Variants in PLET1 observed in about 807,000 individuals in gnomAD.
PLET1 encodes placenta expressed transcript 1, also known as placenta-expressed transcript 1 protein.
A neutral mutation model predicts 18.5 loss-of-function variants in PLET1; 20 were observed. The ratio of observed to expected loss-of-function variants is 1.08; its 90% confidence interval spans 0.76 to 1.57. The LOEUF (loss-of-function observed/expected upper bound fraction) is 1.57. Among genes scored for constraint, PLET1 ranks in the 40% most tolerant of loss-of-function variants. PLET1 has a pLI of 0.00. For synonymous variants in PLET1, 93 were observed against 93.8 expected, an observed-to-expected ratio of 0.99 and a Z score of 0.05; for missense variants, 256 against 246.4, an observed-to-expected ratio of 1.04 and a Z score of -0.26.
At chr11:112,252,269 T>C (rs1201379280) in intron 3 of PLET1, 79 bp downstream of exon 3, 4 of 1,324,750 alleles carry the variant, frequency 3.0e-6, no homozygotes, top group Non-Finnish European at 4.2e-6. Context: ...GACCCTCTTT[T>C]CTAGGGAACC....
chr11:112,249,294 C>A (rs577043913), intron 3 of PLET1, among the ~76,000 whole-genome samples: 1 of 152,138 alleles, frequency 6.6e-6, no homozygotes, highest in Admixed American at 6.5e-5. Context: ...TGGGTAGTCT[C>A]CTCCTGAATG....
intron 3 of PLET1, among the ~76,000 whole-genome samples, chr11:112,250,085 T>C (rs1289954034): frequency 2.6e-5 from 4 of 151,368 alleles, no homozygotes; most frequent in Non-Finnish European, 5.9e-5. Flanking sequence ...GTCTAATCTT[T>C]AGCACTTCCC....
At position 112,260,781 on chromosome 11, in the gene PLET1, G is replaced by A; in HGVS notation, c.-192C>T. 1.8e-6 allele frequency: 1 copy of A among 546,652 alleles called. No individual in the cohort carries two copies. Among genetic ancestry groups the A allele is most frequent in the Non-Finnish European group, 3.2e-6 (1 of 313,736 alleles). 33.9% of individuals were successfully genotyped at this position (546,652 alleles called of 1,614,324 possible). A position where few individuals can be genotyped will look rare whatever the true frequency, so the allele number is the denominator to read the frequency against. ...AATGAATCACCAGTCACCATTACCTGTCACCGATGATTTTGCAAATTGCAG... is the reference window on the plus strand; with the variant it reads ...AATGAATCACCAGTCACCATTACCTATCACCGATGATTTTGCAAATTGCAG... On this transcript the variant is annotated 5_prime_UTR_variant, in exon 1 of 4. Coordinates refer to ENST00000338832, the MANE Select transcript of PLET1 (RefSeq NM_001145024.1).
intron 3 of PLET1, 26 bp downstream of exon 3, chr11:112,252,322 T>A (rs1405644563): frequency 6.5e-7 from 1 of 1,540,288 alleles, no homozygotes. Context: ...TTGCAAGACT[T>A]GCAAATGGGC....
At chr11:112,256,348 T>G (rs1286359992) in intron 1 of PLET1, among the ~76,000 whole-genome samples, 1 of 152,186 alleles carries the variant, frequency 6.6e-6, no homozygotes, top group Non-Finnish European at 1.5e-5. Context: ...CACGCAAAAT[T>G]TCTTTAAGGC....
Position 112,248,644 on chromosome 11 carries a change from C to G in PLET1, c.*155G>C. ...GACCCAAGCCTGCCAATGAGTGCCT[C>G]CAGATCTTTGTTTTGGTCTGAAGCC... On this transcript the variant is annotated 3_prime_UTR_variant, in exon 4 of 4. Transcript: ENST00000338832. The G allele has an allele frequency of 5.1e-6, 4 of 791,972 alleles. No homozygotes were observed. The South Asian group carries it at 7.3e-5, about 14-fold the overall frequency. The allele number at this position is 791,972 out of a possible 1,614,324, so 49.1% of individuals were successfully genotyped here.
chr11:112,249,963 TAAAAAAAAAA>T (rs61227342), intron 3 of PLET1, among the ~76,000 whole-genome samples: 1 of 105,500 alleles, frequency 9.5e-6, no homozygotes, highest in Non-Finnish European at 1.8e-5. Flanking sequence ...TCTCAAAAAT[TAAAAAAAAAA>T]AAAAAAAAAA....
intron 1 of PLET1, among the ~76,000 whole-genome samples, chr11:112,259,173 C>G (rs933997631): frequency 1.3e-5 from 2 of 152,160 alleles, no homozygotes; most frequent in Admixed American, 1.3e-4. Flanking sequence ...CTAAAACATG[C>G]CCAGCACATC....
Position 112,254,744 on chromosome 11 carries a change from C to G in PLET1, c.386+644G>C, listed in dbSNP as rs1200132536. On this transcript the variant is annotated intron_variant, in intron 2 of 3. Coordinates refer to ENST00000338832, the MANE Select transcript of PLET1 (RefSeq NM_001145024.1). The stretch of plus-strand genomic sequence containing the variant: ...TGAGTGTGTGTGTGGTGTGTGTGTG[C>G]TGTGTGTGTGGTGTGTGTGCTGCGT... Among the ~76,000 whole-genome samples the G allele has an allele frequency of 8.4e-3, 570 of 67,760 alleles. 2 individuals carry two copies. The highest frequency in any genetic ancestry group is 0.013 in the Admixed American group (77 of 5,936). The allele number at this position is 67,760 out of a possible 152,430, so 44.5% of individuals were successfully genotyped here.
At chr11:112,249,056 A>G in intron 3 of PLET1, 82 bp from the exon 4 acceptor site, 3 of 1,276,710 alleles carry the variant, frequency 2.3e-6, no homozygotes, top group Non-Finnish European at 3.3e-6. Flanking sequence ...CACTCGAGAA[A>G]GGAGGGTAAT....
At chr11:112,259,775 C>A (rs1566831634) in intron 1 of PLET1, among the ~76,000 whole-genome samples, 1 of 152,150 alleles carries the variant, frequency 6.6e-6, no homozygotes, top group Non-Finnish European at 1.5e-5. Flanking sequence ...CAGTGGCTCA[C>A]ACCTGTAATT....
At chr11:112,250,149 A>G (rs1383266545) in intron 3 of PLET1, among the ~76,000 whole-genome samples, 1 of 136,312 alleles carries the variant, frequency 7.3e-6, no homozygotes, top group Non-Finnish European at 1.5e-5. Flanking sequence ...GAATGCAACT[A>G]CTTTCTTTTT....
chr11:112,258,470 G>T (rs1311551658), intron 1 of PLET1, among the ~76,000 whole-genome samples: 2 of 151,840 alleles, frequency 1.3e-5, no homozygotes. Flanking sequence ...TTTTAGTAAA[G>T]ACTACGTTTT....
chr11:112,248,944 G>C lies in PLET1; in HGVS notation c.479C>G (p.Pro160Arg). 5.8e-6 allele frequency: 9 copies of C among 1,550,866 alleles called. No homozygotes were observed. The highest frequency in any genetic ancestry group is 7.0e-6 in the Non-Finnish European group (8 of 1,147,002). Residue 160 changes from proline to arginine, a missense_variant, in exon 4 of 4, where the codon CCC becomes CGC. Physicochemically the swap from Pro to Arg is moderately radical, Grantham distance 103. Coordinates refer to ENST00000338832, the MANE Select transcript of PLET1 (RefSeq NM_001145024.1). Reference sequence around the variant, plus strand: ...GAAAGGCTTGAAGGCTGAGCTCTGGGGAATCTTGGCAGCTAAGGCTAAGGT... The same window carrying C: ...GAAAGGCTTGAAGGCTGAGCTCTGGCGAATCTTGGCAGCTAAGGCTAAGGT... ...LSTLALAAKI[P>R]QSSAFKPFFM...
chr11:112,254,829 G>T (rs574697220), intron 2 of PLET1, among the ~76,000 whole-genome samples: 24 of 133,094 alleles, frequency 1.8e-4, no homozygotes, highest in Non-Finnish European at 3.0e-4. Context: ...GGCATGTGGG[G>T]TGTATGTGTT....
chr11:112,256,843 G>T (rs1303879549), intron 1 of PLET1, among the ~76,000 whole-genome samples: 1 of 152,256 alleles, frequency 6.6e-6, no homozygotes, highest in Non-Finnish European at 1.5e-5. Flanking sequence ...GTGTCATGCA[G>T]ATAGTCGTCA....
chr11:112,256,923 C>T (rs528338664), intron 1 of PLET1, among the ~76,000 whole-genome samples: 1 of 152,328 alleles, frequency 6.6e-6, no homozygotes, highest in South Asian at 2.1e-4. Flanking sequence ...CTCTTTCTTC[C>T]TTCCTAGGCA....
chr11:112,248,990 A>G lies in PLET1; in HGVS notation c.449-16T>C. On this transcript the variant is annotated splice_polypyrimidine_tract_variant and intron_variant, in intron 3 of 3. Transcript: ENST00000338832. The stretch of plus-strand genomic sequence containing the variant: ...AAGGTTGACACTGGAAAGGTGGTTG[A>G]GGGTGCGGTTGGCACTGGAAAATGG... 1.9e-6 allele frequency: 3 copies of G among 1,549,040 alleles called. No homozygotes were observed. The highest frequency in any genetic ancestry group is 2.4e-5 in the East Asian group (1 of 40,864).
chr11:112,257,637 GCT>G (rs1399737151), intron 1 of PLET1, among the ~76,000 whole-genome samples: 5 of 151,730 alleles, frequency 3.3e-5, no homozygotes, highest in Non-Finnish European at 5.9e-5. Context: ...GCAGATCCTT[GCT>G]CAGCACAGTC....
Sources: gnomAD v4.1 joint callset for allele counts (sites outside exome capture counted in the v4.1 genomes callset) on GRCh38, gnomAD v4.1.1 for gene constraint, MANE v1.5 for transcripts, NCBI Gene and HGNC (gene_info 2026-07-23, HGNC 2026-07-21) for gene names.